Variants in CREM observed in about 807,000 individuals in gnomAD.
CREM encodes cAMP-responsive element modulator.
A neutral mutation model predicts 37.3 loss-of-function variants in CREM; 13 were observed. The observed-to-expected ratio is 0.35, with a 90% CI of 0.23 to 0.55. The LOEUF (loss-of-function observed/expected upper bound fraction) is 0.55. Among genes scored for constraint, CREM ranks in the 20% least tolerant of loss-of-function variants. The pLI, the probability that CREM is intolerant of heterozygous loss-of-function variation, is 0.88. For missense variants in CREM, 296 were observed against 362.3 expected (o/e 0.82, Z 1.49); for synonymous variants, 124 against 120.2 (o/e 1.03, Z -0.21).
At chr10:35,195,795 G>A (rs908571579) in intron 6 of CREM, 4 of 502,796 alleles carry the variant, frequency 8.0e-6, no homozygotes, top group Admixed American at 7.2e-5. Flanking sequence ...TACATTTCCT[G>A]GAATCGTATT....
intron 3 of CREM, among the ~76,000 whole-genome samples, chr10:35,153,605 C>T (rs2092722688): frequency 6.6e-6 from 1 of 152,112 alleles, no homozygotes; most frequent in South Asian, 2.1e-4. Flanking sequence ...CAGATGGAGC[C>T]AGTGGAAAGG....
intron 7 of CREM, among the ~76,000 whole-genome samples, chr10:35,207,850 C>G (rs1025514048): frequency 2.6e-5 from 4 of 152,122 alleles, no homozygotes; most frequent in South Asian, 4.1e-4. Context: ...GGTTTGTGCT[C>G]TGTGTGTGTT....
chr10:35,211,053 G>A (rs554085943), intron 7 of CREM, among the ~76,000 whole-genome samples: 19 of 152,316 alleles, frequency 1.2e-4, no homozygotes, highest in African/African-American at 3.6e-4. Flanking sequence ...AATGCTGGGC[G>A]AACTGTGTTC....
At chr10:35,148,602 A>G in intron 3 of CREM, 111 bp downstream of exon 3, 1 of 1,201,552 alleles carries the variant, frequency 8.3e-7, no homozygotes, top group Non-Finnish European at 1.2e-6. Context: ...CCTGGTTATC[A>G]GCCATTCTTG....
intron 3 of CREM, among the ~76,000 whole-genome samples, chr10:35,170,107 C>T (rs1356894803): frequency 2.6e-5 from 4 of 151,948 alleles, no homozygotes; most frequent in African/African-American, 9.7e-5. Context: ...GGACTACAGG[C>T]ACCCGCCACC....
Position 35,211,925 on chromosome 10 carries a change from AC to A in CREM, c.*528del. The A allele has an allele frequency of 9.8e-7, 1 of 1,017,296 alleles. No individual in the cohort carries two copies. The highest frequency in any genetic ancestry group is 1.3e-6 in the Non-Finnish European group (1 of 741,828). 63.0% of individuals were successfully genotyped at this position (1,017,296 alleles called of 1,614,324 possible). ...ATTCATCTTCTTCTTTAATCACTTA[AC>A]ATTCCTAAAATGCTTCACTGTACGT... On this transcript the variant is annotated 3_prime_UTR_variant, in exon 8 of 8. Transcript: ENST00000685392.
chr10:35,172,154 T>C (rs1434475967), intron 3 of CREM, among the ~76,000 whole-genome samples: 2 of 152,232 alleles, frequency 1.3e-5, no homozygotes, highest in Non-Finnish European at 2.9e-5. Context: ...TTTTATGTAG[T>C]TATAAAGCAT....
intron 5 of CREM, among the ~76,000 whole-genome samples, chr10:35,181,352 A>G (rs772658231): frequency 3.3e-5 from 5 of 152,224 alleles, no homozygotes; most frequent in Non-Finnish European, 7.3e-5. Context: ...GGAAAAAGAC[A>G]TGCTACTATT....
intron 6 of CREM, 38 bp downstream of exon 6, chr10:35,188,426 G>A (rs2094748313): frequency 1.4e-5 from 21 of 1,534,950 alleles, no homozygotes; most frequent in East Asian, 2.3e-5. Context: ...GAATACCTAT[G>A]GATTACTATA....
At chr10:35,177,901 A>T (rs1300652498) in intron 3 of CREM, among the ~76,000 whole-genome samples, 1 of 152,168 alleles carries the variant, frequency 6.6e-6, no homozygotes, top group Non-Finnish European at 1.5e-5. Context: ...TGAGGCAACA[A>T]CATTTTTCTC....
chr10:35,190,856 G>T (rs961239794), intron 6 of CREM, among the ~76,000 whole-genome samples: 1 of 151,848 alleles, frequency 6.6e-6, no homozygotes, highest in Non-Finnish European at 1.5e-5. Flanking sequence ...TAGATACAGG[G>T]TTTCACCATG....
intron 5 of CREM, among the ~76,000 whole-genome samples, chr10:35,185,084 C>T (rs1346403063): frequency 6.6e-6 from 1 of 150,380 alleles, no homozygotes; most frequent in Non-Finnish European, 1.5e-5. Flanking sequence ...TGAGTGGCTG[C>T]TCTGTTCTAG....
chr10:35,143,483 A>C (rs2091708670), intron 2 of CREM, among the ~76,000 whole-genome samples: 1 of 152,146 alleles, frequency 6.6e-6, no homozygotes, highest in Non-Finnish European at 1.5e-5. Flanking sequence ...GAGCTGGACC[A>C]ATTTGCACAT....
At chr10:35,175,713 T>G in intron 3 of CREM, 3 of 1,614,160 alleles carry the variant, frequency 1.9e-6, no homozygotes, top group Non-Finnish European at 2.5e-6. Flanking sequence ...ATGGTAAGTA[T>G]CCTAGATAGT....
chr10:35,211,904 A>G lies in CREM; in HGVS notation c.*506A>G, dbSNP rs1279865402. On this transcript the variant is annotated 3_prime_UTR_variant, in exon 8 of 8. Coordinates refer to ENST00000685392, the MANE Select transcript of CREM (RefSeq NM_183011.2). ...GTGGCTTCTTTTCTTTGTATCATTC[A>G]TCTTCTTCTTTAATCACTTAACATT... 1 of 1,161,264 alleles carries G rather than the reference A, an allele frequency of 8.6e-7. No homozygotes were observed. Among genetic ancestry groups the G allele is most frequent in the Non-Finnish European group, 1.2e-6 (1 of 857,496 alleles). 71.9% of individuals were successfully genotyped at this position (1,161,264 alleles called of 1,614,324 possible). A position where few individuals can be genotyped will look rare whatever the true frequency, so the allele number is the denominator to read the frequency against.
At chr10:35,128,934 T>C (rs1052900391) in intron 1 of CREM, among the ~76,000 whole-genome samples, 2 of 152,230 alleles carry the variant, frequency 1.3e-5, no homozygotes, top group African/African-American at 4.8e-5. Context: ...GAAGGCAAAT[T>C]GCACACAATA....
intron 1 of CREM, among the ~76,000 whole-genome samples, chr10:35,130,914 A>T (rs377265817): frequency 6.6e-6 from 1 of 152,226 alleles, no homozygotes; most frequent in Non-Finnish European, 1.5e-5. Context: ...AAGTAAAATG[A>T]TATCTATTTG....
intron 2 of CREM, among the ~76,000 whole-genome samples, chr10:35,142,277 G>GGA (rs1200574017): frequency 3.3e-5 from 5 of 152,102 alleles, no homozygotes; most frequent in Non-Finnish European, 7.4e-5. Context: ...TGTTAGAGGG[G>GGA]GAGAGAATAA....
At position 35,190,184 on chromosome 10, in the gene CREM, C is replaced by T. The variant is rs114430005; in HGVS notation, c.598+1796C>T. 3.6e-3 allele frequency among the ~76,000 whole-genome samples: 546 copies of T among 152,288 alleles called. 7 individuals carry two copies. The highest frequency in any genetic ancestry group is 0.011 in the African/African-American group (473 of 41,542). On this transcript the variant is annotated intron_variant, in intron 6 of 7. Transcript: ENST00000685392. ...TTTTTAATGTTTTACACAATATGCA[C>T]GTAAGTTTGTGCCTTGGGGTTTTTA...
Sources: gnomAD v4.1 joint callset for allele counts (sites outside exome capture counted in the v4.1 genomes callset) on GRCh38, gnomAD v4.1.1 for gene constraint, MANE v1.5 for transcripts, NCBI Gene and HGNC (gene_info 2026-07-23, HGNC 2026-07-21) for gene names.